Variants in HPSE2 observed in about 807,000 individuals in gnomAD.
HPSE2 encodes inactive heparanase-2.
Under a neutral mutation model 60.5 loss-of-function variants are expected in HPSE2, and 38 were observed. The ratio of observed to expected loss-of-function variants is 0.63; its 90% CI spans 0.48 to 0.82. The LOEUF is 0.82. Ranked by LOEUF, HPSE2 falls within the 40% of genes least tolerant of loss-of-function variation. The pLI is 0.00. For synonymous variants in HPSE2, 295 were observed against 293.2 expected, an observed-to-expected ratio of 1.01 and a Z score of -0.06; for missense variants, 713 against 740.4, an observed-to-expected ratio of 0.96 and a Z score of 0.43.
the HPSE2 span, among the ~76,000 whole-genome samples, chr10:99,263,094 C>A: frequency 6.6e-6 from 1 of 152,166 alleles, no homozygotes; most frequent in Non-Finnish European, 1.5e-5. Context: ...CCACACCTGA[C>A]CCCCATGACT....
At chr10:99,270,896 C>T in the HPSE2 span, among the ~76,000 whole-genome samples, 2 of 152,168 alleles carry the variant, frequency 1.3e-5, no homozygotes, top group Non-Finnish European at 2.9e-5. Flanking sequence ...ACATTATCAT[C>T]TCAATAGATG....
chr10:99,105,884 T>G (rs1191034283), intron 3 of HPSE2, among the ~76,000 whole-genome samples: 2 of 152,144 alleles, frequency 1.3e-5, no homozygotes, highest in African/African-American at 4.8e-5. Flanking sequence ...AGACTAGCTT[T>G]TCACTCTTAT....
chr10:98,909,356 T>C (rs1953916247), intron 3 of HPSE2, among the ~76,000 whole-genome samples: 1 of 151,066 alleles, frequency 6.6e-6, no homozygotes, highest in Admixed American at 6.6e-5. Flanking sequence ...TTTGGCCGGA[T>C]ACAGTGGCTC....
intron 3 of HPSE2, among the ~76,000 whole-genome samples, chr10:99,116,784 G>C (rs759560904): frequency 6.6e-6 from 1 of 152,156 alleles, no homozygotes; most frequent in Non-Finnish European, 1.5e-5. Context: ...CAGTTGATGG[G>C]AAGTGGCAGG....
In HPSE2 at chr10:98,676,021, T is replaced by C. The variant is rs564776983; in HGVS notation, c.1004+17879A>G. On this transcript the variant is annotated intron_variant, in intron 6 of 11. Transcript: ENST00000370552. ...TTGTGCCACTGCCTGGGTGACAGAG[T>C]AAAACGCTGCCTCAAAGAAAAAAAA... Among the ~76,000 whole-genome samples the C allele has an allele frequency of 1.7e-3, 251 of 149,264 alleles. 1 individual carries two copies. Among genetic ancestry groups the C allele is most frequent in the African/African-American group, 5.9e-3 (242 of 40,702 alleles).
the HPSE2 span, among the ~76,000 whole-genome samples, chr10:99,308,387 A>AAAAAAAAAAAAAAAAAAAAAAAAAAG: frequency 1.6e-4 from 24 of 146,916 alleles, no homozygotes; most frequent in Admixed American, 2.8e-4. Context: ...CTCAAAAAAA[A>AAAAAAAAAAAAAAAAAAAAAAAAAAG]AAAAAAAAAG....
the HPSE2 span, among the ~76,000 whole-genome samples, chr10:99,242,297 A>G: frequency 2.6e-5 from 4 of 152,278 alleles, no homozygotes; most frequent in East Asian, 3.9e-4. Flanking sequence ...TATCCCTGGG[A>G]AAAAAATCAG....
Position 99,098,692 on chromosome 10 carries a change from T to C in HPSE2, c.610+45546A>G, listed in dbSNP as rs545642558. Among the ~76,000 whole-genome samples, 4 of 152,270 alleles carry C rather than the reference T, an allele frequency of 2.6e-5. No homozygotes were observed. The South Asian group carries it at 8.3e-4, about 32-fold the overall frequency. On this transcript the variant is annotated intron_variant, in intron 3 of 11. Transcript: ENST00000370552. The stretch of plus-strand genomic sequence containing the variant: ...TACTTTATTTATTACACATAGAAAA[T>C]ATGTTCTGAAATTTCCATAAGAAAA...
chr10:99,220,259 TAACA>T (rs536574185), intron 2 of HPSE2, among the ~76,000 whole-genome samples: 50 of 151,556 alleles, frequency 3.3e-4, no homozygotes, highest in African/African-American at 9.2e-4. Flanking sequence ...ATAGCACAAA[TAACA>T]AACAGATAAC....
At chr10:98,633,168 T>C (rs1179416418) in intron 7 of HPSE2, among the ~76,000 whole-genome samples, 1 of 152,166 alleles carries the variant, frequency 6.6e-6, no homozygotes, top group Non-Finnish European at 1.5e-5. Context: ...ATATATTTTC[T>C]CTTTCTTATG....
At chr10:99,272,151 A>T in the HPSE2 span, among the ~76,000 whole-genome samples, 58 of 152,104 alleles carry the variant, frequency 3.8e-4, no homozygotes, top group Non-Finnish European at 6.0e-4. Flanking sequence ...GACGCCTGTA[A>T]TCCCAGCTAC....
chr10:99,160,081 C>A (rs1846762087), intron 2 of HPSE2, among the ~76,000 whole-genome samples: 1 of 149,368 alleles, frequency 6.7e-6, no homozygotes, highest in Non-Finnish European at 1.5e-5. Context: ...GCGAAGGTTG[C>A]AGTCAGCCAA....
intron 3 of HPSE2, among the ~76,000 whole-genome samples, chr10:99,023,927 G>T (rs1347990509): frequency 1.3e-5 from 2 of 152,198 alleles, no homozygotes; most frequent in Non-Finnish European, 2.9e-5. Flanking sequence ...TCTTCACTGT[G>T]CACACACCAA....
At chr10:98,699,598 C>G (rs1484347242) in intron 5 of HPSE2, among the ~76,000 whole-genome samples, 5 of 126,444 alleles carry the variant, frequency 4.0e-5, no homozygotes, top group Non-Finnish European at 8.5e-5. Flanking sequence ...GAGATGCCCT[C>G]TCTCACCACT....
At chr10:98,485,933 T>C (rs1175601878) in intron 10 of HPSE2, among the ~76,000 whole-genome samples, 1 of 152,152 alleles carries the variant, frequency 6.6e-6, no homozygotes, top group Non-Finnish European at 1.5e-5. Flanking sequence ...GAGGGAGACC[T>C]GAAATCACAG....
At chr10:98,929,442 A>T (rs1231545349) in intron 3 of HPSE2, among the ~76,000 whole-genome samples, 1 of 144,192 alleles carries the variant, frequency 6.9e-6, no homozygotes, top group South Asian at 2.1e-4. Flanking sequence ...ATAATACTCA[A>T]GATCCTTTCT....
At chr10:98,474,360 C>T (rs1025442005) in intron 11 of HPSE2, among the ~76,000 whole-genome samples, 1 of 152,108 alleles carries the variant, frequency 6.6e-6, no homozygotes, top group Non-Finnish European at 1.5e-5. Flanking sequence ...CCAGTTCACC[C>T]CTCAGGATTT....
At position 98,937,419 on chromosome 10, in the gene HPSE2, G is replaced by A. The variant is rs1202935989; in HGVS notation, c.611-193363C>T. The stretch of plus-strand genomic sequence containing the variant: ...TTTTCCGACAGGCTTAAAAAACGGC[G>A]CACCAGGAGATTATATCCCGCACAT... On this transcript the variant is annotated intron_variant, in intron 3 of 11. Coordinates refer to ENST00000370552, the MANE Select transcript of HPSE2 (RefSeq NM_021828.5). Among the ~76,000 whole-genome samples the A allele has an allele frequency of 8.3e-5, 12 of 144,418 alleles. 1 individual carries two copies. The highest frequency in any genetic ancestry group is 2.1e-4 in the South Asian group (1 of 4,752). 94.7% of individuals were successfully genotyped at this position (144,418 alleles called of 152,430 possible).
At chr10:98,861,731 G>A (rs2134781022) in intron 3 of HPSE2, among the ~76,000 whole-genome samples, 1 of 152,222 alleles carries the variant, frequency 6.6e-6, no homozygotes, top group South Asian at 2.1e-4. Flanking sequence ...AGATATGAGA[G>A]GGCAGCCATA....
Sources: allele counts gnomAD v4.1 joint callset (sites outside exome capture counted in the v4.1 genomes callset), GRCh38; gene constraint gnomAD v4.1.1; transcripts MANE v1.5; gene names NCBI Gene and HGNC (gene_info 2026-07-23, HGNC 2026-07-21).